Variants in HDAC9 observed in about 807,000 individuals in gnomAD.
HDAC9 encodes the protein histone deacetylase 9, also known as MEF-2 interacting transcription repressor (MITR) protein.
HDAC9 carries 41 observed loss-of-function variants against 139.4 expected under a neutral mutation model. The observed-to-expected ratio is 0.29, with a 90% confidence interval of 0.23 to 0.38. HDAC9 has a LOEUF of 0.38. HDAC9 is among the 10% of genes least tolerant of loss of function. The pLI is 1.00. For synonymous variants in HDAC9, 517 were observed against 476.2 expected, an observed-to-expected ratio of 1.09 and a Z score of -1.12; for missense variants, 1,147 against 1,297.0, an observed-to-expected ratio of 0.88 and a Z score of 1.78.
At chr7:18,093,081 T>A (rs1171652213) in intron 1 of HDAC9, among the ~76,000 whole-genome samples, 2 of 152,152 alleles carry the variant, frequency 1.3e-5, no homozygotes, top group Non-Finnish European at 2.9e-5. Context: ...TAGGGTGCTA[T>A]GTAGTGGGTT....
At chr7:18,500,158 G>A (rs951208634) in intron 2 of HDAC9, among the ~76,000 whole-genome samples, 12 of 152,172 alleles carry the variant, frequency 7.9e-5, no homozygotes, top group Non-Finnish European at 1.3e-4. Flanking sequence ...TGACACAGGA[G>A]GCATAATTAT....
chr7:18,438,495 G>A (rs983298600), intron 1 of HDAC9, among the ~76,000 whole-genome samples: 6 of 152,272 alleles, frequency 3.9e-5, no homozygotes, highest in African/African-American at 1.4e-4. Flanking sequence ...TCAGACTCAT[G>A]CATGTAGAGT....
chr7:18,427,708 T>C (rs1045122458), intron 1 of HDAC9, among the ~76,000 whole-genome samples: 1 of 151,656 alleles, frequency 6.6e-6, no homozygotes, highest in African/African-American at 2.4e-5. Context: ...TTCTTTTTTT[T>C]TTTTTAAATA....
At chr7:18,940,027 A>G (rs548238419) in intron 23 of HDAC9, among the ~76,000 whole-genome samples, 4 of 152,172 alleles carry the variant, frequency 2.6e-5, no homozygotes, top group African/African-American at 9.6e-5. Flanking sequence ...TTTGAATGCT[A>G]TTTCTTTCCC....
intron 16 of HDAC9, among the ~76,000 whole-genome samples, chr7:18,773,767 C>T (rs1427503762): frequency 6.6e-6 from 1 of 151,916 alleles, no homozygotes; most frequent in Non-Finnish European, 1.5e-5. Flanking sequence ...TATTCAGGCA[C>T]ACCTAAGCTT....
At chr7:18,751,027 T>C (rs1372021245) in intron 14 of HDAC9, among the ~76,000 whole-genome samples, 1 of 152,198 alleles carries the variant, frequency 6.6e-6, no homozygotes, top group Non-Finnish European at 1.5e-5. Flanking sequence ...GAACTGTTTA[T>C]GAAAGGAACA....
chr7:18,320,215 G>A (rs1216392555), intron 1 of HDAC9, among the ~76,000 whole-genome samples: 3 of 152,152 alleles, frequency 2.0e-5, no homozygotes, highest in African/African-American at 7.2e-5. Flanking sequence ...CTGCTTATGA[G>A]ATTAATTTGG....
upstream of HDAC9, among the ~76,000 whole-genome samples, chr7:18,286,441 T>G (rs1171815377): frequency 1.3e-5 from 2 of 148,432 alleles, no homozygotes; most frequent in Non-Finnish European, 1.5e-5. Context: ...ATAGTTTATA[T>G]AAATGTGTGT....
At chr7:18,851,145 C>A (rs1797256339) in intron 21 of HDAC9, among the ~76,000 whole-genome samples, 1 of 152,176 alleles carries the variant, frequency 6.6e-6, no homozygotes, top group Non-Finnish European at 1.5e-5. Context: ...CTGCTCTCAC[C>A]AGATTTCCAT....
At chr7:18,497,705 C>G (rs962122119) in intron 2 of HDAC9, among the ~76,000 whole-genome samples, 1 of 152,082 alleles carries the variant, frequency 6.6e-6, no homozygotes, top group Admixed American at 6.6e-5. Context: ...TTTAACTTAG[C>G]ATTTTATTTT....
chr7:18,435,448 A>G (rs1051717354), intron 1 of HDAC9, among the ~76,000 whole-genome samples: 1 of 152,144 alleles, frequency 6.6e-6, no homozygotes, highest in African/African-American at 2.4e-5. Context: ...GACTATGGTA[A>G]CTAGGGTCAA....
At chr7:18,823,719 C>T (rs887058964) in intron 17 of HDAC9, among the ~76,000 whole-genome samples, 1 of 151,984 alleles carries the variant, frequency 6.6e-6, no homozygotes, top group Non-Finnish European at 1.5e-5. Context: ...GTTGCTCACA[C>T]CTGTAATCTC....
At chr7:18,519,729 C>A (rs867735295) in intron 2 of HDAC9, among the ~76,000 whole-genome samples, 11 of 152,086 alleles carry the variant, frequency 7.2e-5, no homozygotes, top group African/African-American at 2.4e-4. Flanking sequence ...ACCCAACAAT[C>A]TAGTAATTCC....
chr7:18,527,973 A>G (rs1386586672), intron 2 of HDAC9, among the ~76,000 whole-genome samples: 1 of 152,070 alleles, frequency 6.6e-6, no homozygotes, highest in Non-Finnish European at 1.5e-5. Flanking sequence ...TTTTTAAAAA[A>G]TACACATTTG....
intron 2 of HDAC9, among the ~76,000 whole-genome samples, chr7:18,574,189 C>T (rs563194313): frequency 6.6e-6 from 1 of 152,326 alleles, no homozygotes; most frequent in Admixed American, 6.5e-5. Flanking sequence ...TGGTTAGCTC[C>T]TTTCTCCAGG....
intron 2 of HDAC9, chr7:18,162,512 T>C: frequency 1.6e-6 from 1 of 634,240 alleles, no homozygotes; most frequent in Non-Finnish European, 2.7e-6. Context: ...TAGCTAATTC[T>C]CTATTGCTTA....
At chr7:18,671,936 T>C (rs1795699364) in intron 12 of HDAC9, among the ~76,000 whole-genome samples, 1 of 152,098 alleles carries the variant, frequency 6.6e-6, no homozygotes, top group African/African-American at 2.4e-5. Context: ...TGTATGGCTA[T>C]ACAACATTTT....
At chr7:18,401,735 C>T (rs1474917496) in intron 1 of HDAC9, among the ~76,000 whole-genome samples, 1 of 152,086 alleles carries the variant, frequency 6.6e-6, no homozygotes, top group Admixed American at 6.6e-5. Context: ...TATTTTTCTT[C>T]CATATTCTGC....
chr7:18,187,549 A>G (rs541464340), intron 2 of HDAC9, among the ~76,000 whole-genome samples: 51 of 152,232 alleles, frequency 3.4e-4, no homozygotes, highest in Middle Eastern at 3.4e-3. Flanking sequence ...TCTTAACTCT[A>G]TTCCCCTCCA....
Sources: allele counts gnomAD v4.1 joint callset (sites outside exome capture counted in the v4.1 genomes callset), GRCh38; gene constraint gnomAD v4.1.1; transcripts MANE v1.5; gene names NCBI Gene and HGNC (gene_info 2026-07-23, HGNC 2026-07-21).